Variants in TLN2 observed in about 807,000 individuals in gnomAD.
TLN2 encodes talin 2.
TLN2 carries 118 observed loss-of-function variants against 294.7 expected under a neutral mutation model. The observed-to-expected ratio is 0.40, with a 90% CI of 0.34 to 0.47. TLN2 has a LOEUF of 0.47. TLN2 is among the 20% of genes least tolerant of loss of function. The pLI, the probability that TLN2 is intolerant of heterozygous loss-of-function variation, is 0.84. For synonymous variants in TLN2, 1,431 were observed against 1,304.5 expected (o/e 1.10, Z -2.09); for missense variants, 3,083 against 3,282.2 (o/e 0.94, Z 1.48).
At chr15:62,635,451 G>T (rs953969101) in intron 3 of TLN2, among the ~76,000 whole-genome samples, 1 of 152,102 alleles carries the variant, frequency 6.6e-6, no homozygotes, top group Non-Finnish European at 1.5e-5. Context: ...ACAATACTGT[G>T]GGGGAATATT....
At chr15:62,663,647 T>C (rs1467198078) in intron 9 of TLN2, among the ~76,000 whole-genome samples, 1 of 151,358 alleles carries the variant, frequency 6.6e-6, no homozygotes, top group Non-Finnish European at 1.5e-5. Flanking sequence ...AGAGGAAATA[T>C]AATTGAAAAA....
chr15:62,424,229 G>A (rs1184140816), intron 1 of TLN2, among the ~76,000 whole-genome samples: 1 of 152,194 alleles, frequency 6.6e-6, no homozygotes, highest in Non-Finnish European at 1.5e-5. Flanking sequence ...GTAGTGATTG[G>A]GGTGGTTGTG....
intron 1 of TLN2, among the ~76,000 whole-genome samples, chr15:62,531,930 C>G (rs2041061627): frequency 1.3e-5 from 2 of 152,168 alleles, no homozygotes; most frequent in South Asian, 4.1e-4. Context: ...GAATCATTGT[C>G]TTGTTGTTAC....
rs560028061 is a variant in TLN2, at chr15:62,771,846, TATTGTA to T, written c.5367+714_5367+719del. 1.1e-3 allele frequency among the ~76,000 whole-genome samples: 168 copies of T among 152,300 alleles called. 2 individuals carry two copies. Among genetic ancestry groups the T allele is most frequent in the Admixed American group, 3.4e-3 (52 of 15,302 alleles). On this transcript the variant is annotated intron_variant, in intron 42 of 58. Transcript: ENST00000636159. ...CTTCCACATTGCGGACTTCAGTCTT[TATTGTA>T]AGTAGTGGGGAGCCATTGGCAGTTT...
At chr15:62,770,157 G>A (rs1482018090) in intron 41 of TLN2, among the ~76,000 whole-genome samples, 2 of 152,314 alleles carry the variant, frequency 1.3e-5, no homozygotes, top group South Asian at 2.1e-4. Flanking sequence ...TGGAGCATGC[G>A]TCTCAACCCC....
chr15:62,479,724 G>C (rs540005050), intron 1 of TLN2, among the ~76,000 whole-genome samples: 1 of 152,262 alleles, frequency 6.6e-6, no homozygotes, highest in South Asian at 2.1e-4. Flanking sequence ...GGCCCCAAGT[G>C]ATCCGCCTGC....
At chr15:62,758,457 G>A (rs2141013913) in intron 37 of TLN2, 1 of 152,336 alleles carries the variant, frequency 6.6e-6, no homozygotes. Context: ...TGTGTGGAAT[G>A]GAATGTTATT....
intron 45 of TLN2, chr15:62,784,714 T>G (rs1403842651): frequency 6.6e-6 from 1 of 152,220 alleles, no homozygotes; most frequent in Admixed American, 6.5e-5. Flanking sequence ...AAATGAAGAT[T>G]AATGGAGTGG....
chr15:62,782,978 G>T (rs1163663455), intron 44 of TLN2, among the ~76,000 whole-genome samples: 1 of 152,172 alleles, frequency 6.6e-6, no homozygotes, highest in Non-Finnish European at 1.5e-5. Context: ...GAATTTAGAG[G>T]TATTTTTGTC....
chr15:62,409,716 C>G (rs1232781807), intron 1 of TLN2, among the ~76,000 whole-genome samples: 1 of 152,032 alleles, frequency 6.6e-6, no homozygotes, highest in Non-Finnish European at 1.5e-5. Context: ...TATTCTTGGA[C>G]TCTGCATGCA....
intron 1 of TLN2, among the ~76,000 whole-genome samples, chr15:62,544,884 T>G (rs2041903680): frequency 6.6e-6 from 1 of 152,182 alleles, no homozygotes; most frequent in South Asian, 2.1e-4. Context: ...ACACATTGAT[T>G]GTGTTAATAA....
chr15:62,710,427 C>T (rs1319190013), intron 21 of TLN2, among the ~76,000 whole-genome samples: 2 of 152,106 alleles, frequency 1.3e-5, no homozygotes, highest in Non-Finnish European at 2.9e-5. Context: ...GTCTTGTGTT[C>T]TTCTGTATCC....
intron 1 of TLN2, among the ~76,000 whole-genome samples, chr15:62,507,409 A>G (rs981356298): frequency 2.0e-5 from 3 of 152,198 alleles, no homozygotes; most frequent in African/African-American, 4.8e-5. Flanking sequence ...GTCCCCATCA[A>G]GTAGGGATGT....
intron 1 of TLN2, among the ~76,000 whole-genome samples, chr15:62,470,576 C>A (rs1211237353): frequency 1.3e-5 from 2 of 152,238 alleles, no homozygotes; most frequent in Admixed American, 6.5e-5. Context: ...CCTCCTGATG[C>A]CCCTGCCCCC....
At position 62,492,204 on chromosome 15, in the gene TLN2, C is replaced by A. The variant is rs192466852; in HGVS notation, c.-237-97483C>A. 6.9e-3 allele frequency among the ~76,000 whole-genome samples: 1,044 copies of A among 152,148 alleles called. 14 individuals carry two copies. Among genetic ancestry groups the A allele is most frequent in the African/African-American group, 0.024 (989 of 41,526 alleles). On this transcript the variant is annotated intron_variant, in intron 1 of 58. Transcript: ENST00000636159. ...CGGTGGCTCACGCCTGTAATCCCAG[C>A]ACTTTGGGAGGCTGAGGCGGGTGGA...
At chr15:62,677,103 G>C (rs1000962693) in intron 11 of TLN2, among the ~76,000 whole-genome samples, 25 of 152,266 alleles carry the variant, frequency 1.6e-4, no homozygotes, top group African/African-American at 6.0e-4. Context: ...TGCTTCCACC[G>C]TTCTAGCTTC....
At chr15:62,804,592 G>A (rs1220356913) in intron 50 of TLN2, among the ~76,000 whole-genome samples, 2 of 152,176 alleles carry the variant, frequency 1.3e-5, no homozygotes, top group Non-Finnish European at 2.9e-5. Flanking sequence ...CACCCAGATC[G>A]TGGGTTTCCA....
At chr15:62,771,162 T>G (rs376762704) in intron 42 of TLN2, 28 bp downstream of exon 42, 2 of 1,564,680 alleles carry the variant, frequency 1.3e-6, no homozygotes, top group African/African-American at 1.4e-5. Flanking sequence ...GGGGACTCAC[T>G]TAGGACCACT....
intron 2 of TLN2, among the ~76,000 whole-genome samples, chr15:62,607,570 T>A (rs1038662325): frequency 6.6e-6 from 1 of 152,150 alleles, no homozygotes; most frequent in African/African-American, 2.4e-5. Flanking sequence ...ATATAAGGAA[T>A]AATAAACGAA....
Sources: gnomAD v4.1 joint callset for allele counts (sites outside exome capture counted in the v4.1 genomes callset) on GRCh38, gnomAD v4.1.1 for gene constraint, MANE v1.5 for transcripts, NCBI Gene and HGNC (gene_info 2026-07-23, HGNC 2026-07-21) for gene names.